Variants in CDH20 observed in about 807,000 individuals in gnomAD.
CDH20 encodes cadherin-20.
Under a neutral mutation model 74.2 loss-of-function variants are expected in CDH20, and 29 were observed. The ratio of observed to expected loss-of-function variants is 0.39; its 90% CI spans 0.29 to 0.53. The LOEUF (loss-of-function observed/expected upper bound fraction) is 0.53. Ranked by LOEUF, CDH20 falls within the 20% of genes least tolerant of loss-of-function variation. The probability of loss-of-function intolerance (pLI) is 0.69; values close to 1 mark genes in which losing one functional copy is unlikely to be tolerated. For synonymous variants in CDH20, 469 were observed against 405.4 expected (o/e 1.16, Z -1.88); for missense variants, 988 against 1,048.3 (o/e 0.94, Z 0.79).
At chr18:61,491,665 T>C (rs112191743) in intron 2 of CDH20, among the ~76,000 whole-genome samples, 3 of 152,178 alleles carry the variant, frequency 2.0e-5, no homozygotes, top group African/African-American at 4.8e-5. Context: ...TCAAGTGTTG[T>C]CTACCCAAGT....
chr18:61,427,470 C>T (rs148269087), intron 1 of CDH20, among the ~76,000 whole-genome samples: 122 of 152,214 alleles, frequency 8.0e-4, no homozygotes, highest in Middle Eastern at 3.4e-3. Context: ...AACCATTATG[C>T]TGTACTGAAA....
chr18:61,420,899 C>CA (rs1297144782), intron 1 of CDH20, among the ~76,000 whole-genome samples: 5 of 152,024 alleles, frequency 3.3e-5, no homozygotes, highest in Admixed American at 2.6e-4. Context: ...ACTAAAAATA[C>CA]AAAAACTAGC....
intron 1 of CDH20, among the ~76,000 whole-genome samples, chr18:61,482,686 G>C (rs1286713660): frequency 6.6e-6 from 1 of 151,824 alleles, no homozygotes; most frequent in South Asian, 2.1e-4. Flanking sequence ...ATAGAGACGG[G>C]GTCTTGCCCT....
At chr18:61,488,030 G>T (rs937984415) in intron 1 of CDH20, among the ~76,000 whole-genome samples, 29 of 151,244 alleles carry the variant, frequency 1.9e-4, no homozygotes, top group African/African-American at 6.6e-4. Context: ...GCAAAATATA[G>T]GTAAGAAACA....
At chr18:61,453,929 T>A (rs1192029819) in intron 1 of CDH20, among the ~76,000 whole-genome samples, 3 of 152,198 alleles carry the variant, frequency 2.0e-5, no homozygotes, top group African/African-American at 7.2e-5. Context: ...TCCTCAGCAA[T>A]GTATGAGTAA....
chr18:61,440,143 A>C (rs1908980398), intron 1 of CDH20, among the ~76,000 whole-genome samples: 1 of 152,194 alleles, frequency 6.6e-6, no homozygotes, highest in Non-Finnish European at 1.5e-5. Context: ...ATGACTTTGC[A>C]GAGCCTCGAG....
At chr18:61,444,377 G>A (rs1215035821) in intron 1 of CDH20, among the ~76,000 whole-genome samples, 1 of 152,118 alleles carries the variant, frequency 6.6e-6, no homozygotes, top group Non-Finnish European at 1.5e-5. Context: ...TCTTTCTTGG[G>A]AACTGTTGAG....
Position 61,503,006 on chromosome 18 carries a change from G to A in CDH20, c.715G>A (p.Glu239Lys), listed in dbSNP as rs760664013. 10 of 1,613,830 alleles carry A rather than the reference G, an allele frequency of 6.2e-6. No individual in the cohort carries two copies. The highest frequency in any genetic ancestry group is 3.3e-5 in the Admixed American group (2 of 59,992). ...NMDREAKEYY[E>K]VIIQAKDMGG... ...GGACAGAGAAGCCAAAGAATACTACGAAGTGATTATCCAAGCCAAGGACAT... is the reference window on the plus strand; with the variant it reads ...GGACAGAGAAGCCAAAGAATACTACAAAGTGATTATCCAAGCCAAGGACAT... The change falls in exon 5 of 12, where the codon GAA (glutamate) becomes AAA (lysine). Residue 239 changes from glutamate to lysine, a missense_variant. Around this residue, in one of 2 missense-constraint regions of CDH20, gnomAD observed 613 missense variants for 755.2 expected, o/e 0.81. Transcript: ENST00000262717.
intron 8 of CDH20, 101 bp from the exon 9 acceptor site, chr18:61,538,923 C>T (rs765294266): frequency 2.1e-5 from 28 of 1,364,330 alleles, no homozygotes; most frequent in Admixed American, 5.7e-5. Context: ...TGAGCCACTG[C>T]GCCCAGTCGT....
intron 1 of CDH20, among the ~76,000 whole-genome samples, chr18:61,445,290 T>G (rs1305450765): frequency 6.6e-6 from 1 of 150,462 alleles, no homozygotes; most frequent in Non-Finnish European, 1.5e-5. Context: ...AAGGTAGGTT[T>G]TATCCTCCAT....
intron 1 of CDH20, among the ~76,000 whole-genome samples, chr18:61,351,648 A>T (rs1910310269): frequency 6.6e-6 from 1 of 152,162 alleles, no homozygotes. Context: ...AATTAAAAAA[A>T]AAAAACAATT....
chr18:61,401,998 G>A (rs547702133), intron 1 of CDH20, among the ~76,000 whole-genome samples: 1 of 152,278 alleles, frequency 6.6e-6, no homozygotes, highest in South Asian at 2.1e-4. Context: ...ATATAATTGA[G>A]GGAATATTGA....
At position 61,454,278 on chromosome 18, in the gene CDH20, T is replaced by C. The variant is rs57210882; in HGVS notation, c.-152-36124T>C. Among the ~76,000 whole-genome samples, 545 of 152,288 alleles carry C rather than the reference T, an allele frequency of 3.6e-3. 6 individuals are homozygous for C. Among genetic ancestry groups the C allele is most frequent in the African/African-American group, 0.013 (531 of 41,556 alleles). ...CTTATGTATCTTATTTTGGTAACTA[T>C]AGCAAAACTCCACCTTAACACAGAC... On this transcript the variant is annotated intron_variant, in intron 1 of 11. Coordinates refer to ENST00000262717, the MANE Select transcript of CDH20 (RefSeq NM_031891.4).
chr18:61,333,837 A>AG lies in CDH20; in HGVS notation c.-153+13dup, dbSNP rs1378512790. ...TCGCCGGCGGTGCCAGGTAACGCAG[A>AG]GGGCTCGGGTCGGGCCCCGCTTCTG... On this transcript the variant is annotated intron_variant, in intron 1 of 11. Coordinates refer to ENST00000262717, the MANE Select transcript of CDH20 (RefSeq NM_031891.4). 1.3e-5 allele frequency: 2 copies of AG among 152,092 alleles called. No homozygotes were observed. The highest frequency in any genetic ancestry group is 2.0e-4 in the East Asian group (1 of 5,124). 9.4% of individuals were successfully genotyped at this position (152,092 alleles called of 1,614,324 possible). A position where few individuals can be genotyped will look rare whatever the true frequency, so the allele number is the denominator to read the frequency against.
At chr18:61,544,192 G>A (rs1383517115) in intron 9 of CDH20, among the ~76,000 whole-genome samples, 1 of 152,190 alleles carries the variant, frequency 6.6e-6, no homozygotes, top group Non-Finnish European at 1.5e-5. Context: ...GGTGTGCCCT[G>A]CTGCTCAAAC....
chr18:61,347,311 TATATATATAC>T (rs1456669430), intron 1 of CDH20, among the ~76,000 whole-genome samples: 79 of 76,024 alleles, frequency 1.0e-3, no homozygotes, highest in Middle Eastern at 5.3e-3. Context: ...TATATATATA[TATATATATAC>T]ACACACACAC....
At chr18:61,340,022 C>A (rs1909894584) in intron 1 of CDH20, among the ~76,000 whole-genome samples, 1 of 151,908 alleles carries the variant, frequency 6.6e-6, no homozygotes, top group Non-Finnish European at 1.5e-5. Flanking sequence ...ATGTAGCCCC[C>A]AACACCCCAA....
chr18:61,338,019 A>G lies in CDH20; in HGVS notation c.-153+4192A>G, dbSNP rs562367885. 1.2e-4 allele frequency among the ~76,000 whole-genome samples: 18 copies of G among 152,384 alleles called. No individual in the cohort carries two copies. The South Asian group carries it at 1.7e-3, about 14-fold the overall frequency. ...AACATAAGGTCATACAGTCTCATAA[A>G]GAGAAATACTTAGTTTCTCCAAAAT... On this transcript the variant is annotated intron_variant, in intron 1 of 11. Transcript: ENST00000262717.
intron 1 of CDH20, among the ~76,000 whole-genome samples, chr18:61,419,108 G>A (rs1912793294): frequency 1.3e-5 from 2 of 152,084 alleles, no homozygotes; most frequent in Non-Finnish European, 2.9e-5. Flanking sequence ...CTGTCACCCA[G>A]ATTGGAGTAC....
Sources: allele counts gnomAD v4.1 joint callset (sites outside exome capture counted in the v4.1 genomes callset), GRCh38; gene constraint gnomAD v4.1.1; regional missense constraint gnomAD v4.1.1; transcripts MANE v1.5; gene names NCBI Gene and HGNC (gene_info 2026-07-23, HGNC 2026-07-21).